The following CDKN2A variants were observed in gnomAD, a reference collection of about 807,000 sequenced individuals.
CDKN2A encodes the protein cyclin dependent kinase inhibitor 2A.
In CDKN2A, 3 loss-of-function variants were observed where a neutral mutation model predicts 11.1. The ratio of observed to expected loss-of-function variants is 0.27; its 90% CI spans 0.12 to 0.70. The LOEUF is 0.70. Ranked by LOEUF, CDKN2A falls within the 30% of genes least tolerant of loss-of-function variation. The probability of loss-of-function intolerance (pLI) is 0.77; values close to 1 mark genes in which losing one functional copy is unlikely to be tolerated. For synonymous variants in CDKN2A, 122 were observed against 108.1 expected (o/e 1.13, Z -0.80); for missense variants, 265 against 233.6 (o/e 1.13, Z -0.88).
intron 2 of CDKN2A, among the ~76,000 whole-genome samples, chr9:21,981,870 A>T (rs1820205713): frequency 6.6e-6 from 1 of 152,188 alleles, no homozygotes; most frequent in Admixed American, 6.5e-5. Flanking sequence ...CAAGGAAAAA[A>T]GATAGCTTCA....
At chr9:21,975,070 T>C, upstream of CDKN2A, 1 of 1,328,174 alleles carries the variant, frequency 7.5e-7, no homozygotes, top group Non-Finnish European at 9.6e-7. Context: ...TTAGCGAATG[T>C]GGCACCCCTG....
chr9:21,975,265 T>C (rs1185836868), upstream of CDKN2A: 1 of 563,500 alleles, frequency 1.8e-6, no homozygotes, highest in East Asian at 1.5e-4. Flanking sequence ...GCGTTCACTC[T>C]GTTAAAAAGA....
chr9:21,972,230 G>A (rs1819797904), intron 1 of CDKN2A, among the ~76,000 whole-genome samples: 1 of 152,034 alleles, frequency 6.6e-6, no homozygotes, highest in Admixed American at 6.6e-5. Flanking sequence ...CCTGTGGTAG[G>A]CTGAATAATG....
chr9:21,984,842 T>C (rs1381410346), intron 2 of CDKN2A, among the ~76,000 whole-genome samples: 1 of 151,974 alleles, frequency 6.6e-6, no homozygotes, highest in Non-Finnish European at 1.5e-5. Flanking sequence ...TGGGACTCTA[T>C]AGTCTTACTG....
rs3088440 is a variant in CDKN2A at position 21,968,160 on chromosome 9, G to A, written c.*69C>T. Reference sequence around the variant, plus strand: ...GGTGGGTTGTGGCGGGGGCAGTTGTGGCCCTGTAGGACCTTCGGTGACTGA... The same window carrying A: ...GGTGGGTTGTGGCGGGGGCAGTTGTAGCCCTGTAGGACCTTCGGTGACTGA... On this transcript the variant is annotated 3_prime_UTR_variant, in exon 3 of 3. Transcript: ENST00000304494. The surrounding 1 kb of genome is among the most constrained non-coding windows in gnomAD (Gnocchi z 4.7). 149,191 of 1,372,012 alleles carry A rather than the reference G, an allele frequency of 0.11. 10,689 individuals are homozygous for A. The highest frequency in any genetic ancestry group is 0.34 in the Admixed American group (19,641 of 58,478). 85.0% of individuals were successfully genotyped at this position (1,372,012 alleles called of 1,614,324 possible).
chr9:21,975,000 T>C, upstream of CDKN2A: 1 of 1,386,370 alleles, frequency 7.2e-7, no homozygotes, highest in Admixed American at 3.5e-5. This position sits in a 1 kb window ranked among gnomAD's most constrained non-coding sequence, Gnocchi z 5.2. Context: ...CGCGGTATCT[T>C]TCCAGGCAAG....
In CDKN2A at chr9:21,974,325, C is replaced by A; in HGVS notation, c.150+353G>T. 4.1e-6 allele frequency: 5 copies of A among 1,232,038 alleles called. No individual in the cohort carries two copies. Among genetic ancestry groups the A allele is most frequent in the Non-Finnish European group, 5.4e-6 (5 of 920,676 alleles). The allele number at this position is 1,232,038 out of a possible 1,614,324, so 76.3% of individuals were successfully genotyped here. ...ATCTGTGAATTGGAGGCTAAGTAGT[C>A]CCAGCACATCTTACATTTCTTTAAG... On this transcript the variant is annotated intron_variant, in intron 1 of 2. Coordinates refer to ENST00000304494, the MANE Select transcript of CDKN2A (RefSeq NM_000077.5). The surrounding 1 kb of genome is among the most constrained non-coding windows in gnomAD (Gnocchi z 5.2).
rs752389002 is a variant in CDKN2A, at chr9:21,974,629, T to A, written c.150+49A>T. 5.1e-5 allele frequency: 82 copies of A among 1,614,022 alleles called. No individual in the cohort carries two copies. Among genetic ancestry groups the A allele is most frequent in the Non-Finnish European group, 6.9e-5 (82 of 1,180,012 alleles). ...TCCAATTCCCCTGCAAACTTCGTCC[T>A]CCAGAGTCGCCCGCCATCCCCTGCT... is the stretch of plus-strand genomic sequence containing the variant. On this transcript the variant is annotated intron_variant, in intron 1 of 2. Coordinates refer to ENST00000304494, the MANE Select transcript of CDKN2A (RefSeq NM_000077.5). This position sits in a 1 kb window ranked among gnomAD's most constrained non-coding sequence, Gnocchi z 5.2.
Position 21,974,355 on chromosome 9 carries a change from C to T in CDKN2A, c.150+323G>A, listed in dbSNP as rs965114521. 2.0e-6 allele frequency: 3 copies of T among 1,481,760 alleles called. No individual in the cohort carries two copies. Among genetic ancestry groups the T allele is most frequent in the South Asian group, 1.2e-5 (1 of 81,672 alleles). 91.8% of individuals were successfully genotyped at this position (1,481,760 alleles called of 1,614,324 possible). A position where few individuals can be genotyped will look rare whatever the true frequency, so the allele number is the denominator to read the frequency against. ...CACATCTTACATTTCTTTAAGACTC[C>T]CTTTTTATCCCAAACGTTCGTAAAT... On this transcript the variant is annotated intron_variant, in intron 1 of 2. Transcript: ENST00000304494. This position sits in a 1 kb window ranked among gnomAD's most constrained non-coding sequence, Gnocchi z 5.2.
intron 2 of CDKN2A, among the ~76,000 whole-genome samples, chr9:21,990,650 G>GAGAGAGAGAGAGAGAGAGAT (rs1820410972): frequency 1.3e-5 from 2 of 149,728 alleles, no homozygotes; most frequent in Non-Finnish European, 3.0e-5. Flanking sequence ...GAGAGAGAGA[G>GAGAGAGAGAGAGAGAGAGAT]AAACTGTTTA....
intron 1 of CDKN2A, chr9:21,994,641 C>A (rs1420956187): frequency 7.5e-6 from 3 of 397,900 alleles, no homozygotes; most frequent in Admixed American, 4.6e-5. Context: ...GCTCAGGGCC[C>A]GCGTTCCTCT....
At position 21,974,403 on chromosome 9, in the gene CDKN2A, C is replaced by T. The variant is rs2131108562; in HGVS notation, c.150+275G>A. On this transcript the variant is annotated intron_variant, in intron 1 of 2. Transcript: ENST00000304494. This position sits in a 1 kb window ranked among gnomAD's most constrained non-coding sequence, Gnocchi z 5.2. Reference sequence around the variant, plus strand: ...AATTTTGTATCTGATAAAGAGCATACTTCCATCTAATACAAATATGTTCCC... The same window carrying T: ...AATTTTGTATCTGATAAAGAGCATATTTCCATCTAATACAAATATGTTCCC... The T allele has an allele frequency of 1.3e-6, 2 of 1,593,330 alleles. No homozygotes were observed. The highest frequency in any genetic ancestry group is 1.7e-6 in the Non-Finnish European group (2 of 1,167,656).
intron 2 of CDKN2A, among the ~76,000 whole-genome samples, chr9:21,989,187 G>A (rs1002529803): frequency 6.6e-6 from 1 of 152,120 alleles, no homozygotes; most frequent in Non-Finnish European, 1.5e-5. Context: ...ATTAGGATAT[G>A]GTAAATCTGT....
chr9:21,968,197 T>A lies in CDKN2A; in HGVS notation c.*32A>T. The A allele has an allele frequency of 1.2e-6, 2 of 1,608,482 alleles. No homozygotes were observed. The highest frequency in any genetic ancestry group is 8.5e-7 in the Non-Finnish European group (1 of 1,175,020). On this transcript the variant is annotated 3_prime_UTR_variant, in exon 3 of 3. Coordinates refer to ENST00000304494, the MANE Select transcript of CDKN2A (RefSeq NM_000077.5). This position sits in a 1 kb window ranked among gnomAD's most constrained non-coding sequence, Gnocchi z 4.7. Reference sequence around the variant, plus strand: ...CCTTCGGTGACTGATGATCTAAGTTTCCCGAGGTTTCTCAGAGCCTCTCTG... The same window carrying A: ...CCTTCGGTGACTGATGATCTAAGTTACCCGAGGTTTCTCAGAGCCTCTCTG...
chr9:21,976,374 G>A (rs1418598018), upstream of CDKN2A, among the ~76,000 whole-genome samples: 3 of 47,328 alleles, frequency 6.3e-5, no homozygotes, highest in Non-Finnish European at 8.9e-5. Context: ...ATGAGACTCC[G>A]ACTCAAAAAA....
intron 2 of CDKN2A, among the ~76,000 whole-genome samples, chr9:21,990,649 A>AGAGAGAGAGAGAGAGAGAGAGAGG (rs1396090431): frequency 1.0e-4 from 15 of 150,342 alleles, no homozygotes; most frequent in Admixed American, 2.6e-4. Flanking sequence ...AGAGAGAGAG[A>AGAGAGAGAGAGAGAGAGAGAGAGG]GAAACTGTTT....
chr9:21,977,299 T>C (rs1157982466), upstream of CDKN2A, among the ~76,000 whole-genome samples: 1 of 152,182 alleles, frequency 6.6e-6, no homozygotes, highest in African/African-American at 2.4e-5. Context: ...GTTGCCAGGA[T>C]GGGAGGGAGG....
At chr9:21,986,991 G>A (rs1563898791) in intron 2 of CDKN2A, among the ~76,000 whole-genome samples, 1 of 151,984 alleles carries the variant, frequency 6.6e-6, no homozygotes, top group African/African-American at 2.4e-5. Context: ...CAAGAAAATG[G>A]TGGCACTCGA....
In CDKN2A at chr9:21,973,752, C is replaced by A. The variant is rs181432093; in HGVS notation, c.150+926G>T. Among the ~76,000 whole-genome samples, 660 of 152,308 alleles carry A rather than the reference C, an allele frequency of 4.3e-3. 6 individuals carry two copies. The highest frequency in any genetic ancestry group is 0.01 in the Middle Eastern group (3 of 292). On this transcript the variant is annotated intron_variant, in intron 1 of 2. Coordinates refer to ENST00000304494, the MANE Select transcript of CDKN2A (RefSeq NM_000077.5). ...GCAGATATTCCCAAAATGGTAACTA[C>A]ATATTACCTCTGGAATGATCACATG...
Sources: allele counts gnomAD v4.1 joint callset (sites outside exome capture counted in the v4.1 genomes callset), GRCh38; gene constraint gnomAD v4.1.1; non-coding constraint Gnocchi (gnomAD v3.1); transcripts MANE v1.5; gene names NCBI Gene and HGNC (gene_info 2026-07-23, HGNC 2026-07-21).